DCAF8L2: variants seen among roughly 807,000 people sequenced by gnomAD.
The protein encoded by DCAF8L2 is DDB1 and CUL4 associated factor 8 like 2.
For missense variants in DCAF8L2, 430 were observed against 490.7 expected (o/e 0.88, Z 1.17); for synonymous variants, 200 against 190.9 (o/e 1.05, Z -0.39).
the DCAF8L2 span, among the ~76,000 whole-genome samples, chrX:27,471,360 T>G: frequency 9.0e-6 from 1 of 111,604 alleles, no homozygotes; most frequent in Admixed American, 9.5e-5. Context: ...TTTGTTTTCC[T>G]GCAGTCCGTT....
At chrX:27,687,810 A>G (rs1296893926) in intron 3 of DCAF8L2, among the ~76,000 whole-genome samples, 1 of 112,062 alleles carries the variant, frequency 8.9e-6, no homozygotes, top group East Asian at 2.8e-4. Flanking sequence ...TGGGTGACAG[A>G]CTGAGACCCT....
At chrX:27,592,067 C>T (rs759620714) in intron 1 of DCAF8L2, among the ~76,000 whole-genome samples, 19 of 112,710 alleles carry the variant, frequency 1.7e-4, no homozygotes, top group African/African-American at 2.3e-4. Context: ...GGTCCCCTCA[C>T]ACCAGTGGCT....
At chrX:27,610,045 A>C (rs1385593251) in intron 1 of DCAF8L2, among the ~76,000 whole-genome samples, 1 of 112,194 alleles carries the variant, frequency 8.9e-6, no homozygotes, top group Non-Finnish European at 1.9e-5. Flanking sequence ...GTTAAGCCAT[A>C]TATATTAAAG....
At chrX:27,609,100 A>G (rs185497654) in intron 1 of DCAF8L2, among the ~76,000 whole-genome samples, 52 of 111,818 alleles carry the variant, frequency 4.7e-4, no homozygotes, top group Admixed American at 2.9e-3. Context: ...ATCACGAACT[A>G]TGGGCAAAGC....
At chrX:27,713,386 A>C (rs1439494752) in intron 3 of DCAF8L2, among the ~76,000 whole-genome samples, 1 of 111,619 alleles carries the variant, frequency 9.0e-6, no homozygotes, top group Non-Finnish European at 1.9e-5. Context: ...ATTAATGTAC[A>C]TTATTGATTA....
At chrX:27,708,984 A>C (rs1931432905) in intron 3 of DCAF8L2, among the ~76,000 whole-genome samples, 1 of 112,010 alleles carries the variant, frequency 8.9e-6, no homozygotes, top group African/African-American at 3.3e-5. Context: ...CAATGGCGTG[A>C]TCTCGGCTCA....
At chrX:27,542,917 T>C in the DCAF8L2 span, among the ~76,000 whole-genome samples, 1 of 111,839 alleles carries the variant, frequency 8.9e-6, no homozygotes, top group Admixed American at 9.5e-5. Context: ...TGTAAATATT[T>C]TCTCCTATTC....
chrX:27,667,095 A>C (rs1461709065), intron 2 of DCAF8L2, among the ~76,000 whole-genome samples: 2 of 102,724 alleles, frequency 1.9e-5, no homozygotes, highest in African/African-American at 7.1e-5. Flanking sequence ...ACAATTAAAA[A>C]GTTCATGATG....
At position 27,720,371 on chromosome X, in the gene DCAF8L2, TA is replaced by T. The variant is rs201575573; in HGVS notation, c.-59+4201del. ...TTCAGCTATTGTAGATTATTATTAT[TA>T]TTATTTTTTTTTGAGACGGAGTCTC... On this transcript the variant is annotated intron_variant, in intron 4 of 4. Transcript: ENST00000451261. Among the ~76,000 whole-genome samples the T allele has an allele frequency of 1.1e-3, 114 of 103,530 alleles. 1 individual carries two copies. Among genetic ancestry groups the T allele is most frequent in the African/African-American group, 4.1e-3 (102 of 24,805 alleles). 89.9% of individuals were successfully genotyped at this position (103,530 alleles called of 115,157 possible). A position where few individuals can be genotyped will look rare whatever the true frequency, so the allele number is the denominator to read the frequency against.
At chrX:27,552,581 C>A in the DCAF8L2 span, among the ~76,000 whole-genome samples, 1 of 111,769 alleles carries the variant, frequency 8.9e-6, no homozygotes, top group African/African-American at 3.2e-5. Context: ...TCTCTTGGTG[C>A]CTTTGTCAAA....
the DCAF8L2 span, among the ~76,000 whole-genome samples, chrX:27,495,114 T>A: frequency 8.9e-6 from 1 of 111,976 alleles, no homozygotes; most frequent in South Asian, 3.7e-4. Flanking sequence ...TCTATATTCA[T>A]TCTTTGCATA....
At chrX:27,726,442 T>C (rs1932073185) in intron 4 of DCAF8L2, among the ~76,000 whole-genome samples, 1 of 111,560 alleles carries the variant, frequency 9.0e-6, no homozygotes, top group South Asian at 3.7e-4. Flanking sequence ...TATAAGCTTT[T>C]AAATATTATG....
At chrX:27,540,103 A>G in the DCAF8L2 span, among the ~76,000 whole-genome samples, 1 of 111,300 alleles carries the variant, frequency 9.0e-6, no homozygotes, top group Non-Finnish European at 1.9e-5. Flanking sequence ...TGACACTGAC[A>G]CTGGAAGCCA....
At chrX:27,723,974 G>C (rs761706482) in intron 4 of DCAF8L2, among the ~76,000 whole-genome samples, 77 of 110,639 alleles carry the variant, frequency 7.0e-4, no homozygotes, top group South Asian at 1.5e-3. Flanking sequence ...TGTTTGGTGT[G>C]CTACCTTTTT....
At chrX:27,732,497 T>C (rs946477086) in intron 4 of DCAF8L2, among the ~76,000 whole-genome samples, 4 of 109,522 alleles carry the variant, frequency 3.7e-5, no homozygotes, top group South Asian at 7.8e-4. Flanking sequence ...TGTGCGCGTG[T>C]GTGTGTGTGT....
the DCAF8L2 span, among the ~76,000 whole-genome samples, chrX:27,510,402 A>T: frequency 3.5e-5 from 2 of 56,750 alleles, no homozygotes; most frequent in African/African-American, 1.0e-4. Context: ...ACTACAATAC[A>T]TAGAAACTGA....
chrX:27,498,892 T>C, the DCAF8L2 span, among the ~76,000 whole-genome samples: 1 of 112,025 alleles, frequency 8.9e-6, no homozygotes, highest in African/African-American at 3.2e-5. Context: ...TCATTCTCTT[T>C]AGGCTGAATA....
At chrX:27,549,117 A>G in the DCAF8L2 span, among the ~76,000 whole-genome samples, 3 of 111,890 alleles carry the variant, frequency 2.7e-5, no homozygotes, top group African/African-American at 9.7e-5. Flanking sequence ...TTTTTATTGT[A>G]GAATCAGTAG....
the DCAF8L2 span, among the ~76,000 whole-genome samples, chrX:27,496,841 G>A: frequency 1.8e-5 from 2 of 111,905 alleles, no homozygotes; most frequent in Admixed American, 9.5e-5. Context: ...AACTTTTTTC[G>A]TTCTCACTGG....
Sources: gnomAD v4.1 joint callset for allele counts (sites outside exome capture counted in the v4.1 genomes callset) on GRCh38, gnomAD v4.1.1 for gene constraint, MANE v1.5 for transcripts, NCBI Gene and HGNC (gene_info 2026-07-23, HGNC 2026-07-21) for gene names.